FLT1: variants seen among roughly 807,000 people sequenced by gnomAD.
The protein encoded by FLT1 is vascular endothelial growth factor receptor 1.
Under a neutral mutation model 156.3 loss-of-function variants are expected in FLT1, and 49 were observed. The observed-to-expected ratio is 0.31, with a 90% CI of 0.25 to 0.40. FLT1 has a LOEUF of 0.40. Among genes scored for constraint, FLT1 ranks in the 10% least tolerant of loss-of-function variants. The pLI is 1.00. For synonymous variants in FLT1, 594 were observed against 583.8 expected (o/e 1.02, Z -0.25); for missense variants, 1,322 against 1,637.2 (o/e 0.81, Z 3.32).
At chr13:28,354,389 C>T (rs1216975685) in intron 15 of FLT1, among the ~76,000 whole-genome samples, 7 of 152,108 alleles carry the variant, frequency 4.6e-5, no homozygotes, top group Non-Finnish European at 1.5e-5. Flanking sequence ...ATTTCACTAC[C>T]ATCTCCCTTC....
chr13:28,401,098 C>T (rs1471330497), intron 11 of FLT1, among the ~76,000 whole-genome samples: 6 of 152,100 alleles, frequency 3.9e-5, no homozygotes, highest in East Asian at 1.9e-4. Flanking sequence ...TGGTGGCAGG[C>T]GCCTGTAGTC....
chr13:28,374,110 G>A (rs1186644401), intron 14 of FLT1, among the ~76,000 whole-genome samples: 1 of 152,138 alleles, frequency 6.6e-6, no homozygotes, highest in African/African-American at 2.4e-5. Context: ...TAGTGGTGAT[G>A]GTTTTGCAAC....
intron 25 of FLT1, among the ~76,000 whole-genome samples, 186 bp downstream of exon 25, chr13:28,317,312 C>T (rs1183483131): frequency 6.6e-6 from 1 of 152,204 alleles, no homozygotes. Flanking sequence ...GCCACGTGCC[C>T]CACTGCAAGA....
intron 3 of FLT1, among the ~76,000 whole-genome samples, chr13:28,465,443 T>C (rs1259198954): frequency 1.3e-5 from 2 of 152,156 alleles, no homozygotes; most frequent in Non-Finnish European, 2.9e-5. Flanking sequence ...TTACTGTCAA[T>C]AACAGGCAAC....
chr13:28,452,942 A>T (rs1879033674), intron 3 of FLT1, among the ~76,000 whole-genome samples: 1 of 143,248 alleles, frequency 7.0e-6, no homozygotes, highest in South Asian at 2.3e-4. Flanking sequence ...ACTAAACAGC[A>T]AGTCTGGCAC....
chr13:28,485,949 A>G (rs1881135319), intron 1 of FLT1, among the ~76,000 whole-genome samples: 1 of 152,230 alleles, frequency 6.6e-6, no homozygotes, highest in African/African-American at 2.4e-5. Flanking sequence ...TACTCAGCTG[A>G]GCCTAGCCCA....
chr13:28,415,406 G>A (rs549315095), intron 10 of FLT1, among the ~76,000 whole-genome samples: 26 of 152,174 alleles, frequency 1.7e-4, no homozygotes, highest in African/African-American at 6.0e-4. Context: ...GCTTGAACCC[G>A]GGAGGCAGAG....
chr13:28,481,689 G>T (rs537997841), intron 1 of FLT1, among the ~76,000 whole-genome samples: 1 of 152,300 alleles, frequency 6.6e-6, no homozygotes, highest in South Asian at 2.1e-4. Context: ...GCTCTAAGCT[G>T]GCCTCTTAGG....
intron 1 of FLT1, among the ~76,000 whole-genome samples, chr13:28,490,580 T>C (rs1881415082): frequency 6.6e-6 from 1 of 151,740 alleles, no homozygotes; most frequent in Non-Finnish European, 1.5e-5. Context: ...CACCCAAGAG[T>C]GTGAGGAACC....
In FLT1 at chr13:28,495,036, G is replaced by C; in HGVS notation, c.-193C>G. On this transcript the variant is annotated 5_prime_UTR_variant, in exon 1 of 30. Coordinates refer to ENST00000282397, the MANE Select transcript of FLT1 (RefSeq NM_002019.4). This position sits in a 1 kb window ranked among gnomAD's most constrained non-coding sequence, Gnocchi z 4.1. ...GGCGCCCGCTGGCCGCTGCACCCGA[G>C]CCCCGGAGCCCGCTCCGAGCCGCCG... is the stretch of plus-strand genomic sequence containing the variant. The C allele has an allele frequency of 2.1e-6, 1 of 485,448 alleles. No individual in the cohort carries two copies. The highest frequency in any genetic ancestry group is 3.6e-6 in the Non-Finnish European group (1 of 281,646). The allele number at this position is 485,448 out of a possible 1,614,324, so 30.1% of individuals were successfully genotyped here.
intron 16 of FLT1, among the ~76,000 whole-genome samples, 153 bp downstream of exon 16, chr13:28,345,292 T>G (rs900603424): frequency 6.6e-6 from 1 of 152,260 alleles, no homozygotes; most frequent in African/African-American, 2.4e-5. Flanking sequence ...ATTTTGATGA[T>G]TTATTTTCTT....
rs894090277 is a variant in FLT1 at position 28,457,933 on chromosome 13, C to CTTTTTTTTT, written c.388+8961_388+8969dup. Among the ~76,000 whole-genome samples the CTTTTTTTTT allele has an allele frequency of 7.5e-3, 861 of 114,142 alleles. 10 individuals are homozygous for CTTTTTTTTT. The highest frequency in any genetic ancestry group is 0.013 in the African/African-American group (360 of 26,716). 74.9% of individuals were successfully genotyped at this position (114,142 alleles called of 152,430 possible). A position where few individuals can be genotyped will look rare whatever the true frequency, so the allele number is the denominator to read the frequency against. On this transcript the variant is annotated intron_variant, in intron 3 of 29. Coordinates refer to ENST00000282397, the MANE Select transcript of FLT1 (RefSeq NM_002019.4). ...TTCTTTTCCTTTTTTCTTTCCTTTT[C>CTTTTTTTTT]TTTTTTTTTTTTTTTTTTTGTGATG...
chr13:28,316,144 C>T (rs1181109999), intron 25 of FLT1, among the ~76,000 whole-genome samples: 1 of 152,220 alleles, frequency 6.6e-6, no homozygotes, highest in African/African-American at 2.4e-5. Flanking sequence ...CAGGTCCCCT[C>T]CCGCTTCCCT....
chr13:28,493,271 G>A (rs1414966164), intron 1 of FLT1, among the ~76,000 whole-genome samples: 1 of 152,160 alleles, frequency 6.6e-6, no homozygotes, highest in Non-Finnish European at 1.5e-5. Context: ...TAATACAAGT[G>A]ACTTTTCAAA....
intron 4 of FLT1, among the ~76,000 whole-genome samples, 172 bp downstream of exon 4, chr13:28,438,049 G>T (rs547986977): frequency 1.3e-5 from 2 of 152,242 alleles, no homozygotes; most frequent in African/African-American, 4.8e-5. Context: ...TTAACCACAT[G>T]CATGGACATA....
chr13:28,431,326 A>G lies in FLT1; in HGVS notation c.814-16T>C, dbSNP rs1877671058. 4 of 1,595,974 alleles carry G rather than the reference A, an allele frequency of 2.5e-6. No homozygotes were observed. The highest frequency in any genetic ancestry group is 3.4e-6 in the Non-Finnish European group (4 of 1,163,768). ...TCTTATTTTTCTAGAAAGAAAATGT[A>G]TAACAAATGTAGAAGGAGTGAGTGT... On this transcript the variant is annotated splice_polypyrimidine_tract_variant and intron_variant, in intron 6 of 29. Transcript: ENST00000282397.
At chr13:28,344,792 CTTTTTTTTTTTT>C (rs869199622) in intron 16 of FLT1, among the ~76,000 whole-genome samples, 1,416 of 41,496 alleles carry the variant, frequency 0.034, 48 homozygotes, top group African/African-American at 0.12. Context: ...GGGGCCTTTA[CTTTTTTTTTTTT>C]TTTTTTTTTT....
intron 1 of FLT1, among the ~76,000 whole-genome samples, chr13:28,476,976 T>C (rs1880586185): frequency 6.6e-6 from 1 of 152,230 alleles, no homozygotes; most frequent in Admixed American, 6.5e-5. Context: ...CATCAAAACT[T>C]GGACAGTTTT....
At chr13:28,444,861 G>A (rs1208501167) in intron 3 of FLT1, among the ~76,000 whole-genome samples, 1 of 151,706 alleles carries the variant, frequency 6.6e-6, no homozygotes, top group Non-Finnish European at 1.5e-5. Flanking sequence ...AAATTTACGG[G>A]ATGAAGCTAA....
Sources: allele counts gnomAD v4.1 joint callset (sites outside exome capture counted in the v4.1 genomes callset), GRCh38; gene constraint gnomAD v4.1.1; non-coding constraint Gnocchi (gnomAD v3.1); transcripts MANE v1.5; gene names NCBI Gene and HGNC (gene_info 2026-07-23, HGNC 2026-07-21).